Variants in TMEM117 observed in about 807,000 individuals in gnomAD.
TMEM117 encodes transmembrane protein 117.
Under a neutral mutation model 52.4 loss-of-function variants are expected in TMEM117, and 27 were observed. The ratio of observed to expected loss-of-function variants is 0.51; its 90% confidence interval spans 0.38 to 0.71. The LOEUF is 0.71. Among genes scored for constraint, TMEM117 ranks in the 30% least tolerant of loss-of-function variants. The pLI, the probability that TMEM117 is intolerant of heterozygous loss-of-function variation, is 0.00. For synonymous variants in TMEM117, 215 were observed against 206.3 expected (o/e 1.04, Z -0.36); for missense variants, 556 against 630.5 (o/e 0.88, Z 1.26).
intron 3 of TMEM117, among the ~76,000 whole-genome samples, chr12:44,089,309 A>T (rs575491755): frequency 1.3e-5 from 2 of 152,230 alleles, no homozygotes; most frequent in Admixed American, 1.3e-4. Context: ...AAAAATGGTA[A>T]TATCTTCTAA....
intron 2 of TMEM117, among the ~76,000 whole-genome samples, chr12:43,937,457 T>A (rs1448133186): frequency 6.6e-6 from 1 of 152,212 alleles, no homozygotes; most frequent in Non-Finnish European, 1.5e-5. Context: ...GAACTGTAGC[T>A]GTACATCAGA....
intron 3 of TMEM117, among the ~76,000 whole-genome samples, chr12:44,056,254 T>A (rs146488300): frequency 2.1e-4 from 32 of 152,236 alleles, no homozygotes; most frequent in African/African-American, 7.2e-4. Flanking sequence ...GTATACACAT[T>A]TGAAAGCATT....
chr12:44,304,311 A>C (rs1192920884), intron 6 of TMEM117, among the ~76,000 whole-genome samples: 3 of 152,354 alleles, frequency 2.0e-5, no homozygotes. Context: ...GACCAGCCCT[A>C]GCCAGAGGGG....
At chr12:44,254,343 T>G (rs1295995350) in intron 5 of TMEM117, among the ~76,000 whole-genome samples, 6 of 151,964 alleles carry the variant, frequency 3.9e-5, no homozygotes, top group African/African-American at 1.4e-4. Context: ...CACTATGAAG[T>G]AGACAGTTTA....
Position 43,836,213 on chromosome 12 carries a change from G to A in TMEM117, c.-29+17G>A, listed in dbSNP as rs1362335511. 1 of 152,212 alleles carries A rather than the reference G, an allele frequency of 6.6e-6. No individual in the cohort carries two copies. Among genetic ancestry groups the A allele is most frequent in the South Asian group, 2.1e-4 (1 of 4,836 alleles). 9.4% of individuals were successfully genotyped at this position (152,212 alleles called of 1,614,324 possible). ...ACCCTTCGGGTGAGTACGTGGGCCC[G>A]GGCGTTGGGCGAGCCTCCCCAGCCG... On this transcript the variant is annotated intron_variant, in intron 1 of 7. Transcript: ENST00000266534.
chr12:43,948,547 C>T (rs569786725), intron 3 of TMEM117, among the ~76,000 whole-genome samples: 73 of 152,182 alleles, frequency 4.8e-4, no homozygotes, highest in African/African-American at 1.5e-3. Context: ...CCTCGTGATC[C>T]GCCTGCCTCA....
At chr12:43,942,301 C>G (rs1222865648) in intron 2 of TMEM117, among the ~76,000 whole-genome samples, 1 of 152,084 alleles carries the variant, frequency 6.6e-6, no homozygotes, top group African/African-American at 2.4e-5. Flanking sequence ...AATAAATATT[C>G]TTTATAGTGT....
At chr12:44,285,655 A>C (rs779405766) in intron 5 of TMEM117, among the ~76,000 whole-genome samples, 1 of 152,252 alleles carries the variant, frequency 6.6e-6, no homozygotes, top group Non-Finnish European at 1.5e-5. Flanking sequence ...TTCAGGGTTC[A>C]GTAAACCCAC....
intron 3 of TMEM117, among the ~76,000 whole-genome samples, chr12:44,101,931 G>C (rs7980383): frequency 0.23 from 35,652 of 151,920 alleles, 7,087 homozygotes; most frequent in African/African-American, 0.55. Context: ...GAAATAGGGC[G>C]TATGTAACTG....
At chr12:44,193,966 A>C (rs1459707636) in intron 4 of TMEM117, among the ~76,000 whole-genome samples, 1 of 152,214 alleles carries the variant, frequency 6.6e-6, no homozygotes, top group Admixed American at 6.5e-5. Context: ...ACAGCAGTAA[A>C]TACAACTAGC....
the TMEM117 span, among the ~76,000 whole-genome samples, chr12:43,815,623 A>T: frequency 6.6e-6 from 1 of 152,264 alleles, no homozygotes; most frequent in Non-Finnish European, 1.5e-5. Flanking sequence ...CAGGTAGCAT[A>T]CAAGGTGAAG....
chr12:43,863,805 AGGAGCCCTTCAGCCTGCCACTGCACCATG>A (rs1943532050), intron 2 of TMEM117, among the ~76,000 whole-genome samples: 1 of 152,170 alleles, frequency 6.6e-6, no homozygotes, highest in Non-Finnish European at 1.5e-5. Flanking sequence ...GCCACACTTG[AGGAGCCCTTCAGCCTGCCACTGCACCATG>A]GGAGCCCTTC....
At chr12:43,893,420 A>G (rs1306023514) in intron 2 of TMEM117, among the ~76,000 whole-genome samples, 2 of 152,216 alleles carry the variant, frequency 1.3e-5, no homozygotes, top group Non-Finnish European at 2.9e-5. Flanking sequence ...TACAGTATGT[A>G]GTTCAGATAC....
At chr12:43,950,525 G>A (rs1485845569) in intron 3 of TMEM117, among the ~76,000 whole-genome samples, 9 of 134,796 alleles carry the variant, frequency 6.7e-5, no homozygotes, top group Non-Finnish European at 1.4e-4. Context: ...AGCTCAGACT[G>A]CTCTGAACTA....
chr12:43,883,927 A>G (rs1265284740), intron 2 of TMEM117, among the ~76,000 whole-genome samples: 1 of 152,128 alleles, frequency 6.6e-6, no homozygotes, highest in Non-Finnish European at 1.5e-5. Flanking sequence ...GCTTGAGCCC[A>G]AGAGTATGAG....
intron 3 of TMEM117, among the ~76,000 whole-genome samples, chr12:44,101,361 G>T (rs796800053): frequency 4.6e-5 from 7 of 152,026 alleles, no homozygotes; most frequent in African/African-American, 1.7e-4. Context: ...CTCCCGATCT[G>T]CTTTCTCCTT....
intron 3 of TMEM117, among the ~76,000 whole-genome samples, chr12:44,012,652 T>C (rs1041094051): frequency 3.3e-5 from 5 of 152,194 alleles, no homozygotes; most frequent in African/African-American, 1.2e-4. Flanking sequence ...ATCTGTAGCA[T>C]TTAAAAAAAA....
chr12:44,225,479 T>C (rs1207923531), intron 5 of TMEM117, among the ~76,000 whole-genome samples: 1 of 152,200 alleles, frequency 6.6e-6, no homozygotes, highest in Non-Finnish European at 1.5e-5. Context: ...TGTTTTTTTC[T>C]CTATGAATAA....
chr12:44,328,363 T>C (rs552498705), intron 6 of TMEM117, among the ~76,000 whole-genome samples: 2 of 152,284 alleles, frequency 1.3e-5, no homozygotes, highest in East Asian at 1.9e-4. Context: ...TCATTTGCCA[T>C]GGAAGATAAA....
Sources: gnomAD v4.1 joint callset for allele counts (sites outside exome capture counted in the v4.1 genomes callset) on GRCh38, gnomAD v4.1.1 for gene constraint, MANE v1.5 for transcripts, NCBI Gene and HGNC (gene_info 2026-07-23, HGNC 2026-07-21) for gene names.